Variants in LHCGR observed in about 807,000 individuals in gnomAD.
LHCGR encodes the protein luteinizing hormone/choriogonadotropin receptor.
In LHCGR, 55 loss-of-function variants were observed where a neutral mutation model predicts 60.7. That is an observed-to-expected ratio of 0.91 (90% CI 0.73 to 1.13). The LOEUF is 1.13. LHCGR is among the 50% of genes most tolerant of loss of function. The pLI is 0.00. For missense variants in LHCGR, 862 were observed against 836.0 expected (o/e 1.03, Z -0.38); for synonymous variants, 337 against 316.5 (o/e 1.06, Z -0.69).
Position 48,688,188 on chromosome 2 carries a change from C to G in LHCGR, c.1609G>C (p.Val537Leu), listed in dbSNP as rs766173514. The change falls in exon 11 of 11, where the codon GTG becomes CTG. Residue 537 changes from valine to leucine, a missense_variant. Coordinates refer to ENST00000294954, the MANE Select transcript of LHCGR (RefSeq NM_000233.4). The surrounding 1 kb of genome is among the most constrained non-coding windows in gnomAD (Gnocchi z 5.2). The stretch of plus-strand genomic sequence containing the variant: ...CAAGCACAAATTATGAAGAAGGCCA[C>G]CACATTGAGAATCAGGATGGTTAAT... ...YILTILILNV[V>L]AFFIICACYI... 6.2e-7 allele frequency: 1 copy of G among 1,613,964 alleles called. No individual in the cohort carries two copies. Among genetic ancestry groups the G allele is most frequent in the African/African-American group, 1.3e-5 (1 of 74,888 alleles).
intron 8 of LHCGR, among the ~76,000 whole-genome samples, chr2:48,703,232 A>T (rs1359246351): frequency 6.6e-6 from 1 of 152,066 alleles, no homozygotes; most frequent in African/African-American, 2.4e-5. Context: ...TTGCCTGTTT[A>T]CTCTGCTGAT....
Position 48,688,311 on chromosome 2 carries a change from G to A in LHCGR, c.1486C>T (p.Leu496=), listed in dbSNP as rs754941279. Reference sequence around the variant, plus strand: ...CCGACAAGGGGCAACATAGCAATTAGAGAAGAAAAGAGCCATCCTCCAAGC... The same window carrying A: ...CCGACAAGGGGCAACATAGCAATTAAAGAAGAAAAGAGCCATCCTCCAAGC... ...IMLGGWLFSS[L]IAMLPLVGVS... is the part of the protein sequence containing the mutation. The change falls in exon 11 of 11, where the codon CTA becomes TTA. Residue 496 remains leucine (L), a synonymous_variant. Coordinates refer to ENST00000294954, the MANE Select transcript of LHCGR (RefSeq NM_000233.4). This position sits in a 1 kb window ranked among gnomAD's most constrained non-coding sequence, Gnocchi z 5.2. 5 of 1,614,020 alleles carry A rather than the reference G, an allele frequency of 3.1e-6. No individual in the cohort carries two copies. The highest frequency in any genetic ancestry group is 2.7e-5 in the African/African-American group (2 of 74,908).
chr2:48,714,121 T>C, intron 6 of LHCGR, 67 bp from the exon 7 acceptor site: 1 of 1,129,734 alleles, frequency 8.9e-7, no homozygotes, highest in South Asian at 1.3e-5. Flanking sequence ...AAACACATTT[T>C]TCCTCCTGTA....
intron 6 of LHCGR, among the ~76,000 whole-genome samples, chr2:48,718,452 C>T (rs1289934510): frequency 3.3e-5 from 5 of 152,138 alleles, no homozygotes; most frequent in Non-Finnish European, 7.4e-5. Context: ...TCTATAGTTT[C>T]CTTTTGGATC....
At chr2:48,750,226 T>C (rs1669901446) in intron 1 of LHCGR, among the ~76,000 whole-genome samples, 1 of 152,204 alleles carries the variant, frequency 6.6e-6, no homozygotes, top group Non-Finnish European at 1.5e-5. Flanking sequence ...CTGTGGATTC[T>C]TTCCTGGGGG....
chr2:48,724,458 T>C (rs190730879), intron 4 of LHCGR, among the ~76,000 whole-genome samples: 1 of 152,290 alleles, frequency 6.6e-6, no homozygotes, highest in Non-Finnish European at 1.5e-5. Context: ...CTCGTGACAA[T>C]GAAACAAAGC....
intron 6 of LHCGR, among the ~76,000 whole-genome samples, chr2:48,716,779 G>A (rs541318388): frequency 1.3e-5 from 2 of 152,050 alleles, no homozygotes; most frequent in East Asian, 1.9e-4. Flanking sequence ...TTAGATAAAG[G>A]AATCACACTC....
chr2:48,709,123 T>G, intron 7 of LHCGR, 101 bp from the exon 8 acceptor site: 1 of 911,154 alleles, frequency 1.1e-6, no homozygotes, highest in Non-Finnish European at 1.8e-6. Context: ...GCATGATGTA[T>G]AGGGTTAAAA....
At chr2:48,701,030 C>T (rs1282026993) in intron 8 of LHCGR, among the ~76,000 whole-genome samples, 1 of 151,678 alleles carries the variant, frequency 6.6e-6, no homozygotes, top group Non-Finnish European at 1.5e-5. Flanking sequence ...ACAGTGGGAG[C>T]TAGGAACTAG....
chr2:48,740,632 C>G (rs1370959330), intron 1 of LHCGR, among the ~76,000 whole-genome samples: 3 of 152,044 alleles, frequency 2.0e-5, no homozygotes, highest in Non-Finnish European at 4.4e-5. Flanking sequence ...GCTGAGGGTC[C>G]TGTCTGTTAG....
intron 8 of LHCGR, among the ~76,000 whole-genome samples, chr2:48,706,751 G>A (rs77842920): frequency 0.097 from 14,821 of 152,186 alleles, 842 homozygotes; most frequent in Middle Eastern, 0.18. Flanking sequence ...CGTCATTTAT[G>A]TTCTTTTCTA....
chr2:48,707,507 C>T (rs1009987328), intron 8 of LHCGR, among the ~76,000 whole-genome samples: 1 of 152,260 alleles, frequency 6.6e-6, no homozygotes, highest in Admixed American at 6.5e-5. Context: ...TGCCCCTTCC[C>T]CTAGGTGCTC....
intron 7 of LHCGR, 101 bp from the exon 8 acceptor site, chr2:48,709,123 T>C: frequency 1.1e-6 from 1 of 911,154 alleles, no homozygotes; most frequent in Non-Finnish European, 1.8e-6. Flanking sequence ...GCATGATGTA[T>C]AGGGTTAAAA....
chr2:48,725,654 CT>C, intron 4 of LHCGR, 21 bp downstream of exon 4: 1 of 1,582,556 alleles, frequency 6.3e-7, no homozygotes, highest in Non-Finnish European at 8.7e-7. Context: ...TCCCCAATTG[CT>C]TAAAAAGGAA....
At chr2:48,696,903 C>G (rs1465980101) in intron 9 of LHCGR, among the ~76,000 whole-genome samples, 1 of 152,132 alleles carries the variant, frequency 6.6e-6, no homozygotes, top group Non-Finnish European at 1.5e-5. Context: ...TATCATAAAC[C>G]AGTATCTCTG....
In LHCGR at chr2:48,687,043, A is replaced by T. The variant is rs1679926427; in HGVS notation, c.*654T>A. 6.6e-6 allele frequency: 1 copy of T among 152,192 alleles called. No homozygotes were observed. The highest frequency in any genetic ancestry group is 2.4e-5 in the African/African-American group (1 of 41,446). The allele number at this position is 152,192 out of a possible 1,614,324, so 9.4% of individuals were successfully genotyped here. ...TTTCAGATGTTTACCTTAAATTATA[A>T]ATAAGTAGAATCCAGATAGGGCATA... On this transcript the variant is annotated 3_prime_UTR_variant, in exon 11 of 11. Coordinates refer to ENST00000294954, the MANE Select transcript of LHCGR (RefSeq NM_000233.4).
At chr2:48,747,534 G>A (rs1669763050) in intron 1 of LHCGR, among the ~76,000 whole-genome samples, 1 of 152,182 alleles carries the variant, frequency 6.6e-6, no homozygotes, top group African/African-American at 2.4e-5. Context: ...CCACATTATG[G>A]TGGAAGAATC....
chr2:48,716,947 A>ACG (rs1668274801), intron 6 of LHCGR, among the ~76,000 whole-genome samples: 1 of 152,202 alleles, frequency 6.6e-6, no homozygotes, highest in Non-Finnish European at 1.5e-5. Context: ...ATCCAAAAAT[A>ACG]TGCACTTTTA....
At chr2:48,710,768 G>C (rs1397911121) in intron 7 of LHCGR, among the ~76,000 whole-genome samples, 1 of 152,204 alleles carries the variant, frequency 6.6e-6, no homozygotes, top group Admixed American at 6.5e-5. Flanking sequence ...TAGTAAGTCA[G>C]GTGTTTGCGA....
Sources: allele counts gnomAD v4.1 joint callset (sites outside exome capture counted in the v4.1 genomes callset), GRCh38; gene constraint gnomAD v4.1.1; non-coding constraint Gnocchi (gnomAD v3.1); transcripts MANE v1.5; gene names NCBI Gene and HGNC (gene_info 2026-07-23, HGNC 2026-07-21).